The following HS3ST4 variants were observed in gnomAD, a reference collection of about 807,000 sequenced individuals.
HS3ST4 encodes the protein heparan sulfate-glucosamine 3-sulfotransferase 4.
In HS3ST4, 17 loss-of-function variants were observed where a neutral mutation model predicts 29.2. The observed-to-expected ratio is 0.58, with a 90% CI of 0.40 to 0.87. The LOEUF (loss-of-function observed/expected upper bound fraction) is 0.87, where lower values mean the gene tolerates loss of function less well. HS3ST4 is among the 40% of genes least tolerant of loss of function. The probability of loss-of-function intolerance (pLI) is 0.00; values close to 1 mark genes in which losing one functional copy is unlikely to be tolerated. For synonymous variants in HS3ST4, 314 were observed against 285.7 expected, an observed-to-expected ratio of 1.10 and a Z score of -1.00; for missense variants, 627 against 634.5, an observed-to-expected ratio of 0.99 and a Z score of 0.13.
intron 1 of HS3ST4, among the ~76,000 whole-genome samples, chr16:25,893,607 G>A (rs938261965): frequency 1.3e-5 from 2 of 152,140 alleles, no homozygotes; most frequent in African/African-American, 4.8e-5. Flanking sequence ...CAAATTCATG[G>A]GCCAATCACT....
chr16:26,106,739 T>A (rs1056784613), intron 1 of HS3ST4, among the ~76,000 whole-genome samples: 1 of 152,226 alleles, frequency 6.6e-6, no homozygotes, highest in Admixed American at 6.5e-5. Context: ...CATGTCTTCC[T>A]GTGCTGTTCC....
intron 1 of HS3ST4, among the ~76,000 whole-genome samples, chr16:25,748,967 A>G (rs1966701636): frequency 6.6e-6 from 1 of 152,186 alleles, no homozygotes; most frequent in Admixed American, 6.5e-5. Context: ...TCTGATAGCC[A>G]GGGGATTATG....
In HS3ST4 at chr16:26,135,697, A is replaced by G; in HGVS notation, c.820A>G (p.Ile274Val). 1 of 1,614,014 alleles carries G rather than the reference A, an allele frequency of 6.2e-7. No homozygotes were observed. Among genetic ancestry groups the G allele is most frequent in the East Asian group, 2.2e-5 (1 of 44,860 alleles). ...TGTGACAAATGAGGCTCCCAAGCGC[A>G]TTCACTCCATGGCCAAGGACATCAA... ...YFVTNEAPKR[I>V]HSMAKDIKLI... Residue 274 changes from isoleucine (I) to valine (V), a missense_variant, in exon 2 of 2, where the codon ATT becomes GTT. Ile to Val is a conservative substitution (Grantham distance 29, BLOSUM62 3). Around this residue, in one of 2 missense-constraint regions of HS3ST4, gnomAD observed 225 missense variants for 293.7 expected, o/e 0.77. Coordinates refer to ENST00000331351, the MANE Select transcript of HS3ST4 (RefSeq NM_006040.3).
At chr16:25,963,726 G>A (rs1187147143) in intron 1 of HS3ST4, among the ~76,000 whole-genome samples, 1 of 152,236 alleles carries the variant, frequency 6.6e-6, no homozygotes, top group Non-Finnish European at 1.5e-5. Context: ...AGACCTGCAG[G>A]TATTTTAGCT....
intron 1 of HS3ST4, among the ~76,000 whole-genome samples, chr16:25,887,150 C>A (rs776016628): frequency 6.6e-6 from 1 of 152,044 alleles, no homozygotes; most frequent in East Asian, 1.9e-4. Flanking sequence ...AAAGGCTGTT[C>A]GTGAAAGGAA....
intron 1 of HS3ST4, among the ~76,000 whole-genome samples, chr16:25,882,617 C>G (rs1194714895): frequency 6.6e-6 from 1 of 152,168 alleles, no homozygotes; most frequent in Non-Finnish European, 1.5e-5. Flanking sequence ...CTGAAACTAT[C>G]ATCACTGAGG....
At chr16:25,778,747 A>G (rs1206655964) in intron 1 of HS3ST4, among the ~76,000 whole-genome samples, 1 of 151,844 alleles carries the variant, frequency 6.6e-6, no homozygotes. Flanking sequence ...GAAGGAGGAG[A>G]AGAAGGAGGA....
In HS3ST4 at chr16:25,971,484, A is replaced by G. The variant is rs146641196; in HGVS notation, c.735-164128A>G. Among the ~76,000 whole-genome samples, 18 of 152,298 alleles carry G rather than the reference A, an allele frequency of 1.2e-4. No individual in the cohort carries two copies. The East Asian group carries it at 3.5e-3, about 29-fold the overall frequency. On this transcript the variant is annotated intron_variant, in intron 1 of 1. Transcript: ENST00000331351. ...TGCTCTGTCTGGGGCTGATGGTTCA[A>G]CTGGTGAGATTAATAGTGAGCTCAC...
intron 1 of HS3ST4, among the ~76,000 whole-genome samples, chr16:25,802,017 A>C (rs8056091): frequency 0.32 from 47,480 of 147,564 alleles, 8,148 homozygotes; most frequent in East Asian, 0.48. Flanking sequence ...ATTAGAAGGC[A>C]TCCTAGACAC....
intron 1 of HS3ST4, among the ~76,000 whole-genome samples, chr16:25,731,564 C>T (rs1036331692): frequency 3.3e-5 from 5 of 152,136 alleles, no homozygotes; most frequent in Non-Finnish European, 7.3e-5. Flanking sequence ...TCATCTTGAG[C>T]TCCTGGACTC....
chr16:25,750,271 CT>C (rs1966710646), intron 1 of HS3ST4, among the ~76,000 whole-genome samples: 1 of 152,138 alleles, frequency 6.6e-6, no homozygotes. Context: ...CTTAGAGCAG[CT>C]CAGAGCTCCA....
chr16:26,048,484 GAC>G (rs1205218282), intron 1 of HS3ST4, among the ~76,000 whole-genome samples: 1 of 152,178 alleles, frequency 6.6e-6, no homozygotes, highest in East Asian at 1.9e-4. Context: ...TTGTATGTGT[GAC>G]ACAGTTTTAA....
chr16:25,734,175 T>G (rs547188569), intron 1 of HS3ST4, among the ~76,000 whole-genome samples: 1 of 152,296 alleles, frequency 6.6e-6, no homozygotes, highest in South Asian at 2.1e-4. Context: ...TAGGTGTGCT[T>G]CTCTTTTCTG....
intron 1 of HS3ST4, chr16:25,825,494 A>G (rs117556873): frequency 0.038 from 5,731 of 152,268 alleles, 134 homozygotes; most frequent in Non-Finnish European, 0.055. Flanking sequence ...TCAGATCTTG[A>G]TGGTCTTGTA....
At chr16:25,919,581 G>A (rs183358590) in intron 1 of HS3ST4, among the ~76,000 whole-genome samples, 137 of 152,304 alleles carry the variant, frequency 9.0e-4, no homozygotes, top group Middle Eastern at 3.4e-3. Flanking sequence ...AGGGAGATAA[G>A]GTTGAGTGAG....
chr16:26,097,122 T>C (rs1898934531), intron 1 of HS3ST4, among the ~76,000 whole-genome samples: 2 of 152,192 alleles, frequency 1.3e-5, no homozygotes. Flanking sequence ...TGCTCATGGA[T>C]AGGAAGAATC....
At chr16:25,993,949 C>CGTGTGTGTGTGT (rs56226178) in intron 1 of HS3ST4, among the ~76,000 whole-genome samples, 30 of 121,320 alleles carry the variant, frequency 2.5e-4, no homozygotes, top group Non-Finnish European at 2.9e-4. Flanking sequence ...CACATAACCT[C>CGTGTGTGTGTGT]GTGTGTGTGT....
chr16:26,135,865 G>A lies in HS3ST4; in HGVS notation c.988G>A (p.Ala330Thr). The stretch of plus-strand genomic sequence containing the variant: ...CGGGCTGATCGATGCTTCCTGGAGT[G>A]CCATTCGAATAGGGATCTATGCGCT... Reference protein sequence around the residue: ...TLGLIDASWSAIRIGIYALHL... With the variant: ...TLGLIDASWSTIRIGIYALHL... Residue 330 changes from alanine to threonine, a missense_variant, in exon 2 of 2, where the codon GCC becomes ACC. Physicochemically the swap from Ala to Thr is moderately conservative, Grantham distance 58. Coordinates refer to ENST00000331351, the MANE Select transcript of HS3ST4 (RefSeq NM_006040.3). 1 of 1,613,994 alleles carries A rather than the reference G, an allele frequency of 6.2e-7. No homozygotes were observed. Among genetic ancestry groups the A allele is most frequent in the African/African-American group, 1.3e-5 (1 of 75,046 alleles).
At chr16:26,003,871 C>T (rs1969233466) in intron 1 of HS3ST4, among the ~76,000 whole-genome samples, 1 of 152,130 alleles carries the variant, frequency 6.6e-6, no homozygotes, top group Admixed American at 6.5e-5. Context: ...GTGCCTACCC[C>T]TGTGTGCTGG....
Sources: allele counts gnomAD v4.1 joint callset (sites outside exome capture counted in the v4.1 genomes callset), GRCh38; gene constraint gnomAD v4.1.1; regional missense constraint gnomAD v4.1.1; transcripts MANE v1.5; gene names NCBI Gene and HGNC (gene_info 2026-07-23, HGNC 2026-07-21).